Variants in GLT1D1 observed in about 807,000 individuals in gnomAD.
GLT1D1 encodes glycosyltransferase 1 domain containing 1, also known as glycosyltransferase 1 domain-containing protein 1.
A neutral mutation model predicts 28.7 loss-of-function variants in GLT1D1; 21 were observed. The observed-to-expected ratio is 0.73, with a 90% CI of 0.52 to 1.05. GLT1D1 has a LOEUF of 1.05. GLT1D1 is among the 50% of genes least tolerant of loss of function. The pLI is 0.00. For missense variants in GLT1D1, 343 were observed against 330.6 expected (o/e 1.04, Z -0.29); for synonymous variants, 147 against 124.8 (o/e 1.18, Z -1.19).
chr12:128,899,651 G>A (rs891025911), intron 4 of GLT1D1, among the ~76,000 whole-genome samples: 1 of 148,910 alleles, frequency 6.7e-6, no homozygotes, highest in Middle Eastern at 3.4e-3. Context: ...CCGGGTTCAA[G>A]CAATTCTCCT....
At chr12:128,943,185 G>C (rs1217173098) in intron 4 of GLT1D1, among the ~76,000 whole-genome samples, 2 of 152,186 alleles carry the variant, frequency 1.3e-5, no homozygotes, top group African/African-American at 4.8e-5. Context: ...TCACTTACTG[G>C]TCCTGGTTAA....
intron 2 of GLT1D1, among the ~76,000 whole-genome samples, chr12:128,886,802 C>T (rs12320015): frequency 0.2 from 30,538 of 151,902 alleles, 3,512 homozygotes; most frequent in Admixed American, 0.28. Flanking sequence ...CAATTATTCT[C>T]CCTACCACAG....
intron 7 of GLT1D1, among the ~76,000 whole-genome samples, chr12:128,970,608 G>A (rs980520736): frequency 6.6e-6 from 1 of 152,262 alleles, no homozygotes; most frequent in African/African-American, 2.4e-5. Flanking sequence ...CACAGCTTGC[G>A]CTGCCCCCTC....
intron 4 of GLT1D1, among the ~76,000 whole-genome samples, chr12:128,909,106 C>T (rs899038182): frequency 2.0e-5 from 3 of 152,174 alleles, no homozygotes; most frequent in Non-Finnish European, 2.9e-5. Flanking sequence ...TCCTCATATT[C>T]CAGAATCCCA....
chr12:128,879,067 G>A (rs984708855), intron 2 of GLT1D1, among the ~76,000 whole-genome samples: 6 of 152,196 alleles, frequency 3.9e-5, no homozygotes, highest in Admixed American at 3.9e-4. Context: ...ACTGACTGTT[G>A]CAACTCTTTC....
chr12:128,959,976 G>A (rs77325843), intron 7 of GLT1D1, among the ~76,000 whole-genome samples: 1 of 152,132 alleles, frequency 6.6e-6, no homozygotes, highest in Non-Finnish European at 1.5e-5. Context: ...AAAAGAATGA[G>A]AGCTGTTTGG....
At chr12:128,936,447 C>G (rs1288846165) in intron 4 of GLT1D1, among the ~76,000 whole-genome samples, 2 of 152,256 alleles carry the variant, frequency 1.3e-5, no homozygotes, top group African/African-American at 4.8e-5. Context: ...AGCCACCGCA[C>G]CCGGCCATAA....
chr12:128,933,187 T>G (rs1244055054), intron 4 of GLT1D1, among the ~76,000 whole-genome samples: 2 of 152,226 alleles, frequency 1.3e-5, no homozygotes, highest in Non-Finnish European at 2.9e-5. Flanking sequence ...TTTATCAGTG[T>G]CCATGTGTCA....
chr12:128,975,038 C>CCT (rs142482575), intron 7 of GLT1D1, among the ~76,000 whole-genome samples: 9 of 152,224 alleles, frequency 5.9e-5, no homozygotes, highest in Admixed American at 2.0e-4. Flanking sequence ...AGTGCCCCCC[C>CCT]GCACCTGCAC....
In GLT1D1 at chr12:128,912,406, C is replaced by T. The variant is rs1168991369; in HGVS notation, c.375+13119C>T. On this transcript the variant is annotated intron_variant, in intron 4 of 7. Coordinates refer to ENST00000281703, the MANE Select transcript of GLT1D1 (RefSeq NM_144669.3). The stretch of plus-strand genomic sequence containing the variant: ...TGTCCAATGTACTTTTCTTTTCTCT[C>T]TCCCCTCCTTTCAAAAGCCGCATGC... 10 of 1,512,804 alleles carry T rather than the reference C, an allele frequency of 6.6e-6. No homozygotes were observed. The East Asian group carries it at 2.0e-4, about 30-fold the overall frequency. 93.7% of individuals were successfully genotyped at this position (1,512,804 alleles called of 1,614,324 possible).
chr12:128,875,900 AT>A lies in GLT1D1; in HGVS notation c.69-8del. ...TCCCCTCATCTTCTCCTTTCTCTGT[AT>A]TTTTTGATAAAGGGCCCATCTAGAG... On this transcript the variant is annotated splice_polypyrimidine_tract_variant and intron_variant, in intron 1 of 7. Coordinates refer to ENST00000281703, the MANE Select transcript of GLT1D1 (RefSeq NM_144669.3). The A allele has an allele frequency of 4.4e-6, 7 of 1,609,056 alleles. No homozygotes were observed. The highest frequency in any genetic ancestry group is 1.1e-5 in the South Asian group (1 of 90,252).
chr12:128,967,173 A>G (rs1166253264), intron 7 of GLT1D1, among the ~76,000 whole-genome samples: 1 of 151,946 alleles, frequency 6.6e-6, no homozygotes, highest in Non-Finnish European at 1.5e-5. Flanking sequence ...TGGAATAATG[A>G]CATTGACCAG....
intron 4 of GLT1D1, among the ~76,000 whole-genome samples, chr12:128,920,730 G>GA (rs1287392954): frequency 2.0e-5 from 3 of 152,132 alleles, no homozygotes; most frequent in Non-Finnish European, 4.4e-5. Context: ...GCCAGATCGT[G>GA]AAAACAACAC....
At chr12:128,980,484 G>C (rs182700293) in intron 7 of GLT1D1, among the ~76,000 whole-genome samples, 4 of 152,218 alleles carry the variant, frequency 2.6e-5, no homozygotes, top group Non-Finnish European at 5.9e-5. Context: ...GCAGTTTTCC[G>C]AGTCTGCAGT....
intron 5 of GLT1D1, 76 bp from the exon 10 acceptor site, chr12:128,947,262 G>T (rs1876223498): frequency 6.4e-7 from 1 of 1,571,228 alleles, no homozygotes; most frequent in Admixed American, 1.7e-5. Context: ...CACCCAAATT[G>T]TCATCTCTCC....
chr12:128,908,822 G>A (rs55671189), intron 4 of GLT1D1, among the ~76,000 whole-genome samples: 7,255 of 152,092 alleles, frequency 0.048, 599 homozygotes, highest in African/African-American at 0.16. Context: ...GGTGACGGGC[G>A]CCTGTAGTCC....
chr12:128,885,018 G>C (rs1304357705), intron 2 of GLT1D1, among the ~76,000 whole-genome samples: 1 of 150,976 alleles, frequency 6.6e-6, no homozygotes, highest in Non-Finnish European at 1.5e-5. Flanking sequence ...GCCTCCCAAA[G>C]TGCTGAGATG....
chr12:128,896,937 T>C (rs1422067216), intron 3 of GLT1D1, among the ~76,000 whole-genome samples: 3 of 152,182 alleles, frequency 2.0e-5, no homozygotes, highest in Non-Finnish European at 2.9e-5. Flanking sequence ...AGAGGTAGAA[T>C]TGCAAGGTCT....
intron 7 of GLT1D1, among the ~76,000 whole-genome samples, chr12:128,961,966 C>T (rs1041177967): frequency 6.6e-6 from 1 of 152,190 alleles, no homozygotes; most frequent in Non-Finnish European, 1.5e-5. Flanking sequence ...CGAACTCTGT[C>T]CCCCTCTCCC....
Sources: allele counts gnomAD v4.1 joint callset (sites outside exome capture counted in the v4.1 genomes callset), GRCh38; gene constraint gnomAD v4.1.1; transcripts MANE v1.5; gene names NCBI Gene and HGNC (gene_info 2026-07-23, HGNC 2026-07-21).